Variants in ARHGAP15 observed in about 807,000 individuals in gnomAD.
The protein encoded by ARHGAP15 is rho GTPase-activating protein 15.
A neutral mutation model predicts 63.7 loss-of-function variants in ARHGAP15; 51 were observed. That is an observed-to-expected ratio of 0.80 (90% CI 0.64 to 1.01). The LOEUF is 1.01. ARHGAP15 is among the 50% of genes least tolerant of loss of function. ARHGAP15 has a pLI of 0.00. For missense variants in ARHGAP15, 560 were observed against 564.6 expected (o/e 0.99, Z 0.08); for synonymous variants, 191 against 193.8 (o/e 0.99, Z 0.12).
chr2:143,719,033 A>G (rs1684931280), intron 13 of ARHGAP15, among the ~76,000 whole-genome samples: 1 of 152,200 alleles, frequency 6.6e-6, no homozygotes, highest in Admixed American at 6.5e-5. Flanking sequence ...CATTGGACTA[A>G]GTAAACCCCT....
intron 6 of ARHGAP15, among the ~76,000 whole-genome samples, chr2:143,341,730 C>T (rs933388596): frequency 3.9e-5 from 6 of 152,054 alleles, no homozygotes; most frequent in East Asian, 1.9e-4. Flanking sequence ...CCAATGATTT[C>T]CAACCAAAGA....
intron 12 of ARHGAP15, among the ~76,000 whole-genome samples, chr2:143,640,111 T>C (rs1314905150): frequency 6.6e-6 from 1 of 152,134 alleles, no homozygotes; most frequent in Non-Finnish European, 1.5e-5. Flanking sequence ...AATATCGTTT[T>C]ATGTCTGTTT....
chr2:143,749,006 GA>G (rs1195397907), intron 13 of ARHGAP15, among the ~76,000 whole-genome samples: 2 of 151,896 alleles, frequency 1.3e-5, no homozygotes, highest in South Asian at 2.1e-4. Context: ...TTGAGAGGGG[GA>G]AAAAAATACA....
At chr2:143,638,104 G>T (rs1224175716) in intron 12 of ARHGAP15, among the ~76,000 whole-genome samples, 1 of 143,272 alleles carries the variant, frequency 7.0e-6, no homozygotes, top group East Asian at 2.0e-4. Context: ...GATTCCTCAG[G>T]GATCTAGAAC....
chr2:143,307,638 AAG>A (rs921639590), intron 6 of ARHGAP15, among the ~76,000 whole-genome samples: 3 of 152,136 alleles, frequency 2.0e-5, no homozygotes, highest in African/African-American at 7.2e-5. Context: ...TCAGTGTGAA[AAG>A]AGAGAGAAAA....
rs576017786 is a variant in ARHGAP15 at position 143,474,164 on chromosome 2, TC to T, written c.704-13208del. Among the ~76,000 whole-genome samples the T allele has an allele frequency of 1.6e-4, 25 of 152,228 alleles. No individual in the cohort carries two copies. The South Asian group carries it at 5.2e-3, about 32-fold the overall frequency. The stretch of plus-strand genomic sequence containing the variant: ...GTCCTGGCATTCAGCAACAAAATCC[TC>T]TTCCCCCAGGGAAAAGGAAGACTCA... On this transcript the variant is annotated intron_variant, in intron 8 of 13. Coordinates refer to ENST00000295095, the MANE Select transcript of ARHGAP15 (RefSeq NM_018460.4).
intron 13 of ARHGAP15, among the ~76,000 whole-genome samples, chr2:143,752,234 T>C (rs964955252): frequency 1.3e-5 from 2 of 152,302 alleles, no homozygotes. Flanking sequence ...AGTTCTGTAA[T>C]GGACTCTCCT....
At chr2:143,367,223 T>C (rs1185961897) in intron 6 of ARHGAP15, among the ~76,000 whole-genome samples, 3 of 152,032 alleles carry the variant, frequency 2.0e-5, no homozygotes, top group African/African-American at 7.2e-5. Context: ...ACAATGAAGA[T>C]CCCCCAAAAT....
intron 6 of ARHGAP15, among the ~76,000 whole-genome samples, chr2:143,272,906 TTAACTC>T (rs1468998799): frequency 6.6e-6 from 1 of 152,186 alleles, no homozygotes; most frequent in African/African-American, 2.4e-5. Flanking sequence ...AAATTTAAAT[TTAACTC>T]TATATGATGG....
rs149778065 is a variant in ARHGAP15 at position 143,212,990 on chromosome 2, C to T, written c.235-3394C>T. ...TTTTCTACCCAGGCTAAAAGATGGC[C>T]TGAGTCTGTGAGATGACTTAAGCAG... On this transcript the variant is annotated intron_variant, in intron 3 of 13. Coordinates refer to ENST00000295095, the MANE Select transcript of ARHGAP15 (RefSeq NM_018460.4). 2.4e-4 allele frequency among the ~76,000 whole-genome samples: 37 copies of T among 152,200 alleles called. No individual in the cohort carries two copies. The East Asian group carries it at 6.4e-3, about 26-fold the overall frequency.
At chr2:143,250,412 ATAAATAT>A (rs748111602) in intron 5 of ARHGAP15, 92 bp from the exon 6 acceptor site, 92 of 866,160 alleles carry the variant, frequency 1.1e-4, no homozygotes, top group Non-Finnish European at 1.5e-4. Flanking sequence ...GCATTATATC[ATAAATAT>A]GTATAGCTGC....
chr2:143,454,648 ACTC>A (rs896325466), intron 8 of ARHGAP15, among the ~76,000 whole-genome samples: 14 of 151,960 alleles, frequency 9.2e-5, no homozygotes, highest in African/African-American at 3.4e-4. Flanking sequence ...ACAGAGCAAT[ACTC>A]CTCCTAATAT....
chr2:143,232,564 T>C (rs1277779829), intron 5 of ARHGAP15, among the ~76,000 whole-genome samples: 1 of 152,156 alleles, frequency 6.6e-6, no homozygotes, highest in African/African-American at 2.4e-5. Context: ...ATAAAACATC[T>C]ATGTGTATTT....
intron 6 of ARHGAP15, among the ~76,000 whole-genome samples, chr2:143,279,329 G>A (rs1015367710): frequency 5.3e-5 from 8 of 152,160 alleles, no homozygotes; most frequent in South Asian, 4.1e-4. Context: ...CAAGTATTGC[G>A]TCTGATGATG....
At chr2:143,311,993 C>T (rs576232146) in intron 6 of ARHGAP15, among the ~76,000 whole-genome samples, 37 of 152,074 alleles carry the variant, frequency 2.4e-4, no homozygotes, top group African/African-American at 8.9e-4. Flanking sequence ...ACTCCTGCCA[C>T]TGCCATACAT....
intron 1 of ARHGAP15, among the ~76,000 whole-genome samples, chr2:143,134,153 A>G (rs1375344669): frequency 5.9e-5 from 1 of 16,820 alleles, no homozygotes; most frequent in Non-Finnish European, 2.9e-4. Context: ...CTATCTATCT[A>G]CCTATCTATC....
chr2:143,552,495 C>T (rs1043552393), intron 10 of ARHGAP15, among the ~76,000 whole-genome samples: 1 of 151,834 alleles, frequency 6.6e-6, no homozygotes, highest in Non-Finnish European at 1.5e-5. Context: ...GCTTAGACCA[C>T]CATTTGGTCT....
At chr2:143,745,016 A>T (rs1686108001) in intron 13 of ARHGAP15, among the ~76,000 whole-genome samples, 2 of 152,154 alleles carry the variant, frequency 1.3e-5, no homozygotes, top group Admixed American at 1.3e-4. Flanking sequence ...ATCTTTGTAA[A>T]TTACTTCTAA....
At chr2:143,345,538 G>A (rs1685231211) in intron 6 of ARHGAP15, among the ~76,000 whole-genome samples, 1 of 152,046 alleles carries the variant, frequency 6.6e-6, no homozygotes, top group Non-Finnish European at 1.5e-5. Flanking sequence ...TAAACTCAGA[G>A]ATAAATTACA....
Sources: gnomAD v4.1 joint callset for allele counts (sites outside exome capture counted in the v4.1 genomes callset) on GRCh38, gnomAD v4.1.1 for gene constraint, MANE v1.5 for transcripts, NCBI Gene and HGNC (gene_info 2026-07-23, HGNC 2026-07-21) for gene names.